The following CLSTN2 variants were observed in gnomAD, a reference collection of about 807,000 sequenced individuals.
The protein encoded by CLSTN2 is calsyntenin-2.
Under a neutral mutation model 101.2 loss-of-function variants are expected in CLSTN2, and 48 were observed. The observed-to-expected ratio is 0.47, with a 90% confidence interval of 0.38 to 0.60. The LOEUF is 0.60. CLSTN2 is among the 20% of genes least tolerant of loss of function. CLSTN2 has a pLI of 0.00. For missense variants in CLSTN2, 1,160 were observed against 1,238.2 expected, an observed-to-expected ratio of 0.94 and a Z score of 0.95; for synonymous variants, 481 against 463.6, an observed-to-expected ratio of 1.04 and a Z score of -0.48.
At chr3:140,420,378 A>C (rs9653940) in intron 4 of CLSTN2, among the ~76,000 whole-genome samples, 1 of 152,250 alleles carries the variant, frequency 6.6e-6, no homozygotes, top group African/African-American at 2.4e-5. Context: ...TATTAAATTC[A>C]CTTTAGGTCT....
rs2008718229 is a variant in CLSTN2 at position 140,088,627 on chromosome 3, C to G, written c.110-87324C>G. Among the ~76,000 whole-genome samples, 3 of 152,284 alleles carry G rather than the reference C, an allele frequency of 2.0e-5. 1 individual carries two copies. Among genetic ancestry groups the G allele is most frequent in the South Asian group, 4.1e-4 (2 of 4,828 alleles). ...GAAGCTGTCAGTACCACCCCTGCCC[C>G]CTCCTATGACTCTCCCCACCCAAAG... On this transcript the variant is annotated intron_variant, in intron 1 of 16. Coordinates refer to ENST00000458420, the MANE Select transcript of CLSTN2 (RefSeq NM_022131.3).
chr3:139,961,626 A>C (rs1311068822), intron 1 of CLSTN2, among the ~76,000 whole-genome samples: 1 of 152,246 alleles, frequency 6.6e-6, no homozygotes, highest in Non-Finnish European at 1.5e-5. Flanking sequence ...ACATTTTCAC[A>C]GGGCAAGGAT....
chr3:140,378,089 G>A (rs2127472), intron 2 of CLSTN2, among the ~76,000 whole-genome samples: 145,661 of 152,178 alleles, frequency 0.96, 70,025 homozygotes, highest in East Asian at 1. Context: ...TTTGTTGCCT[G>A]TGAACAACAG....
intron 5 of CLSTN2, among the ~76,000 whole-genome samples, chr3:140,435,404 T>C (rs1483420107): frequency 6.6e-6 from 1 of 152,246 alleles, no homozygotes; most frequent in Admixed American, 6.5e-5. Context: ...GATCTCATTC[T>C]CTTTTATGGC....
chr3:140,386,011 AC>A lies in CLSTN2; in HGVS notation c.233-17616del, dbSNP rs1221201787. On this transcript the variant is annotated intron_variant, in intron 2 of 16. Coordinates refer to ENST00000458420, the MANE Select transcript of CLSTN2 (RefSeq NM_022131.3). ...GGTCATTCCCTCCTATGAAGTCAAA[AC>A]CATAAGAACATGAGTTTCACCTTCA... Among the ~76,000 whole-genome samples, 4 of 152,232 alleles carry A rather than the reference AC, an allele frequency of 2.6e-5. No homozygotes were observed. The East Asian group carries it at 7.7e-4, about 29-fold the overall frequency.
chr3:140,487,055 G>C (rs989584489), intron 8 of CLSTN2, among the ~76,000 whole-genome samples: 1 of 152,152 alleles, frequency 6.6e-6, no homozygotes, highest in Non-Finnish European at 1.5e-5. Flanking sequence ...CCAAGGAGTC[G>C]AGAGGAATAC....
intron 1 of CLSTN2, among the ~76,000 whole-genome samples, chr3:140,008,084 A>T (rs2006992227): frequency 6.6e-6 from 1 of 152,238 alleles, no homozygotes; most frequent in Non-Finnish European, 1.5e-5. Flanking sequence ...ATGTAGCACC[A>T]GCTGCAGGAG....
intron 2 of CLSTN2, among the ~76,000 whole-genome samples, chr3:140,293,476 T>G (rs2086973946): frequency 6.6e-6 from 1 of 152,140 alleles, no homozygotes; most frequent in Admixed American, 6.5e-5. Context: ...ATCACAAAGC[T>G]TAACATTGGA....
At chr3:140,508,811 A>G (rs948038877) in intron 8 of CLSTN2, 1 of 152,224 alleles carries the variant, frequency 6.6e-6, no homozygotes, top group Non-Finnish European at 1.5e-5. Context: ...TCATGAGGAA[A>G]ATATCCCTAG....
chr3:140,171,669 A>T (rs867988711), intron 1 of CLSTN2, among the ~76,000 whole-genome samples: 1 of 34,728 alleles, frequency 2.9e-5, no homozygotes, highest in Non-Finnish European at 5.4e-5. Flanking sequence ...TATTATATAT[A>T]ATATGTATTA....
At chr3:140,385,567 C>T (rs1278766990) in intron 2 of CLSTN2, among the ~76,000 whole-genome samples, 3 of 151,600 alleles carry the variant, frequency 2.0e-5, no homozygotes, top group African/African-American at 4.9e-5. Context: ...TTAGTAGAGA[C>T]GGGGTTTCAC....
intron 1 of CLSTN2, among the ~76,000 whole-genome samples, chr3:139,947,789 TA>T (rs1935236459): frequency 6.6e-6 from 1 of 152,230 alleles, no homozygotes; most frequent in Non-Finnish European, 1.5e-5. Flanking sequence ...TAAGACTTTT[TA>T]GTAATTTACT....
intron 8 of CLSTN2, among the ~76,000 whole-genome samples, chr3:140,490,946 T>G (rs935092968): frequency 1.3e-5 from 2 of 152,204 alleles, no homozygotes; most frequent in African/African-American, 4.8e-5. Context: ...TTTCTTCTAA[T>G]AGCAGTTTAT....
intron 1 of CLSTN2, among the ~76,000 whole-genome samples, chr3:140,158,063 A>G (rs188693990): frequency 6.6e-6 from 1 of 152,276 alleles, no homozygotes; most frequent in African/African-American, 2.4e-5. Context: ...CCTCAAAACA[A>G]TAAGGGCCGT....
chr3:140,523,163 C>T (rs1410144744), intron 8 of CLSTN2, among the ~76,000 whole-genome samples: 1 of 152,080 alleles, frequency 6.6e-6, no homozygotes, highest in Non-Finnish European at 1.5e-5. Context: ...TCTAACTTCT[C>T]GGAGGTGACT....
intron 9 of CLSTN2, among the ~76,000 whole-genome samples, chr3:140,542,572 A>G (rs1399506129): frequency 6.6e-6 from 1 of 152,146 alleles, no homozygotes. Context: ...TTTTTTTTAA[A>G]TCCTGCATCA....
intron 2 of CLSTN2, among the ~76,000 whole-genome samples, chr3:140,371,188 C>T (rs1466045582): frequency 1.3e-5 from 2 of 152,108 alleles, no homozygotes; most frequent in Non-Finnish European, 1.5e-5. Flanking sequence ...TCCAGGAGTC[C>T]CAGCAGGTAC....
chr3:140,253,957 G>A (rs1365000837), intron 2 of CLSTN2, among the ~76,000 whole-genome samples: 1 of 151,974 alleles, frequency 6.6e-6, no homozygotes, highest in Non-Finnish European at 1.5e-5. Flanking sequence ...GGGTCAGTTG[G>A]GTGACATTTC....
intron 2 of CLSTN2, among the ~76,000 whole-genome samples, chr3:140,388,475 G>A (rs536261262): frequency 2.0e-5 from 3 of 152,306 alleles, no homozygotes; most frequent in Non-Finnish European, 2.9e-5. Flanking sequence ...AGAGGGTAAC[G>A]TGTAAAGAAA....
Sources: gnomAD v4.1 joint callset for allele counts (sites outside exome capture counted in the v4.1 genomes callset) on GRCh38, gnomAD v4.1.1 for gene constraint, MANE v1.5 for transcripts, NCBI Gene and HGNC (gene_info 2026-07-23, HGNC 2026-07-21) for gene names.